Variants in CEP126 observed in about 807,000 individuals in gnomAD.
The protein encoded by CEP126 is centrosomal protein of 126 kDa.
CEP126 carries 74 observed loss-of-function variants against 107.8 expected under a neutral mutation model. The observed-to-expected ratio is 0.69, with a 90% CI of 0.57 to 0.83. CEP126 has a LOEUF of 0.83. CEP126 is among the 40% of genes least tolerant of loss of function. The pLI, the probability that CEP126 is intolerant of heterozygous loss-of-function variation, is 0.00. For synonymous variants in CEP126, 449 were observed against 446.0 expected, an observed-to-expected ratio of 1.01 and a Z score of -0.08; for missense variants, 1,237 against 1,281.9, an observed-to-expected ratio of 0.96 and a Z score of 0.53.
chr11:101,982,091 C>T (rs1941262206), intron 8 of CEP126, 127 bp downstream of exon 8: 1 of 529,348 alleles, frequency 1.9e-6, no homozygotes, highest in South Asian at 3.2e-5. Flanking sequence ...GAACTCTCCT[C>T]ACCCCTGCAC....
intron 9 of CEP126, among the ~76,000 whole-genome samples, chr11:101,992,241 T>A (rs1194354929): frequency 6.6e-6 from 1 of 152,086 alleles, no homozygotes. Flanking sequence ...AATAAAAAAA[T>A]TAAGTCAATA....
At chr11:101,989,899 G>T (rs1209624736) in intron 9 of CEP126, among the ~76,000 whole-genome samples, 1 of 152,082 alleles carries the variant, frequency 6.6e-6, no homozygotes, top group East Asian at 1.9e-4. Context: ...GTCAGAGCTT[G>T]CAGTGAGCCG....
At chr11:101,979,098 C>T (rs1347627594) in intron 7 of CEP126, among the ~76,000 whole-genome samples, 1 of 151,926 alleles carries the variant, frequency 6.6e-6, no homozygotes, top group Non-Finnish European at 1.5e-5. Flanking sequence ...CATCATTGCA[C>T]TCCAGCCTGG....
intron 2 of CEP126, among the ~76,000 whole-genome samples, chr11:101,932,597 GT>G (rs555952105): frequency 1.3e-5 from 2 of 152,192 alleles, no homozygotes; most frequent in African/African-American, 2.4e-5. Flanking sequence ...AACTTGCTAA[GT>G]TTTTTTCCCT....
chr11:101,986,935 A>G lies in CEP126; in HGVS notation c.3138A>G (p.Lys1046=). 1 of 1,613,854 alleles carries G rather than the reference A, an allele frequency of 6.2e-7. No homozygotes were observed. The highest frequency in any genetic ancestry group is 1.1e-5 in the South Asian group (1 of 91,082). The change falls in exon 9 of 11, where the codon AAA becomes AAG. Residue 1046 remains lysine, a synonymous_variant. Transcript: ENST00000263468. ...TCTTGAATAGCAAACAGATACAGAAATCAAATCTACCTTTAAATAAAACTC... is the reference window on the plus strand; with the variant it reads ...TCTTGAATAGCAAACAGATACAGAAGTCAAATCTACCTTTAAATAAAACTC... The part of the protein sequence containing the change: ...LTVLNSKQIQ[K]SNLPLNKTQQ...
At chr11:101,950,384 A>G (rs1323018007) in intron 4 of CEP126, among the ~76,000 whole-genome samples, 1 of 152,240 alleles carries the variant, frequency 6.6e-6, no homozygotes, top group Non-Finnish European at 1.5e-5. Flanking sequence ...TAAAGTGATG[A>G]GCAACAGAAT....
chr11:102,000,663 A>C lies in CEP126; in HGVS notation c.*3020A>C, dbSNP rs1052719724. ...TCAGGAATTGTGCCACTGCACTCCA[A>C]CCTGAGTGACAGAGCAACACTCTGT... is the stretch of plus-strand genomic sequence containing the variant. On this transcript the variant is annotated 3_prime_UTR_variant, in exon 11 of 11. Coordinates refer to ENST00000263468, the MANE Select transcript of CEP126 (RefSeq NM_020802.4). 7 of 152,076 alleles carry C rather than the reference A, an allele frequency of 4.6e-5. No homozygotes were observed. Among genetic ancestry groups the C allele is most frequent in the African/African-American group, 1.4e-4 (6 of 41,422 alleles). The allele number at this position is 152,076 out of a possible 1,614,324, so 9.4% of individuals were successfully genotyped here. A position where few individuals can be genotyped will look rare whatever the true frequency, so the allele number is the denominator to read the frequency against.
chr11:101,929,932 T>C (rs1158273002), intron 2 of CEP126, among the ~76,000 whole-genome samples: 2 of 151,702 alleles, frequency 1.3e-5, no homozygotes, highest in Admixed American at 6.6e-5. Flanking sequence ...AAGCTGATCT[T>C]TTCCTTATCC....
intron 1 of CEP126, among the ~76,000 whole-genome samples, chr11:101,917,489 C>T (rs894338396): frequency 6.6e-6 from 1 of 151,694 alleles, no homozygotes; most frequent in Non-Finnish European, 1.5e-5. Flanking sequence ...AATTTTCTGA[C>T]TCTAAAGGTT....
At chr11:101,930,983 T>G (rs1220434830) in intron 2 of CEP126, among the ~76,000 whole-genome samples, 1 of 152,054 alleles carries the variant, frequency 6.6e-6, no homozygotes. Flanking sequence ...GAAGCAGAAT[T>G]TGTGTCTTTT....
intron 10 of CEP126, among the ~76,000 whole-genome samples, chr11:101,994,479 C>T (rs181150911): frequency 6.6e-6 from 1 of 152,140 alleles, no homozygotes; most frequent in African/African-American, 2.4e-5. Context: ...CTAGGTTATC[C>T]TCCAGGGTTT....
At chr11:101,985,425 G>A (rs1389086279) in intron 8 of CEP126, among the ~76,000 whole-genome samples, 1 of 151,900 alleles carries the variant, frequency 6.6e-6, no homozygotes, top group Admixed American at 6.6e-5. Flanking sequence ...TGGGATGACA[G>A]GCGTATGCCA....
At chr11:101,958,085 C>T in intron 4 of CEP126, 83 bp from the exon 5 acceptor site, 2 of 1,115,344 alleles carry the variant, frequency 1.8e-6, no homozygotes, top group Non-Finnish European at 2.6e-6. Flanking sequence ...ACACGTATTA[C>T]ACCTAATGTG....
At position 102,000,525 on chromosome 11, in the gene CEP126, A is replaced by G. The variant is rs1255969497; in HGVS notation, c.*2882A>G. ...TGGCAAGAGCCCAACTCTACTAAAAATACAAAAAGAAAAGAAAACAGCCAA... is the reference window on the plus strand; with the variant it reads ...TGGCAAGAGCCCAACTCTACTAAAAGTACAAAAAGAAAAGAAAACAGCCAA... On this transcript the variant is annotated 3_prime_UTR_variant, in exon 11 of 11. Transcript: ENST00000263468. 2 of 152,122 alleles carry G rather than the reference A, an allele frequency of 1.3e-5. No individual in the cohort carries two copies. Among genetic ancestry groups the G allele is most frequent in the Non-Finnish European group, 2.9e-5 (2 of 68,028 alleles). The allele number at this position is 152,122 out of a possible 1,614,324, so 9.4% of individuals were successfully genotyped here. A position where few individuals can be genotyped will look rare whatever the true frequency, so the allele number is the denominator to read the frequency against.
At position 101,981,927 on chromosome 11, in the gene CEP126, A is replaced by G; in HGVS notation, c.2997A>G (p.Pro999=). 2 of 1,591,470 alleles carry G rather than the reference A, an allele frequency of 1.3e-6. No homozygotes were observed. The change falls in exon 8 of 11, where the codon CCA becomes CCG. Residue 999 remains proline, a synonymous_variant. Coordinates refer to ENST00000263468, the MANE Select transcript of CEP126 (RefSeq NM_020802.4). ...GTGTCCTGCTAAGTTCAAGTGAGCCAAAACAAACTACAAGGGGTACTTCTT... is the reference window on the plus strand; with the variant it reads ...GTGTCCTGCTAAGTTCAAGTGAGCCGAAACAAACTACAAGGGGTACTTCTT... The part of the protein sequence containing the change: ...GQSVLLSSSE[P]KQTTRGTSYI...
intron 6 of CEP126, among the ~76,000 whole-genome samples, chr11:101,972,791 A>C (rs910655831): frequency 1.3e-5 from 2 of 152,024 alleles, no homozygotes; most frequent in African/African-American, 4.8e-5. Context: ...ACAGAGTGAG[A>C]CTCCATCTAA....
chr11:101,936,570 CAG>C (rs902411645), intron 2 of CEP126, among the ~76,000 whole-genome samples: 9 of 152,068 alleles, frequency 5.9e-5, no homozygotes, highest in African/African-American at 2.2e-4. Flanking sequence ...TTGTTGGCCT[CAG>C]TGAACTTTCT....
At chr11:101,970,241 A>G (rs1941109682) in intron 6 of CEP126, among the ~76,000 whole-genome samples, 1 of 152,238 alleles carries the variant, frequency 6.6e-6, no homozygotes, top group Non-Finnish European at 1.5e-5. Flanking sequence ...GTTGAATTCC[A>G]TTGTTCATTT....
At position 101,978,359 on chromosome 11, in the gene CEP126, T is replaced by A. The variant is rs199774826; in HGVS notation, c.2858T>A (p.Met953Lys). The change falls in exon 7 of 11, where the codon ATG (methionine) becomes AAG (lysine). Residue 953 changes from methionine to lysine, a missense_variant. Around this residue, in one of 3 missense-constraint regions of CEP126, gnomAD observed 1,134 missense variants for 1,150.5 expected, o/e 0.99. Coordinates refer to ENST00000263468, the MANE Select transcript of CEP126 (RefSeq NM_020802.4). ...GCATTTGTTTAAGGGTCTACTGTTA[T>A]GAGAAGAAAACGAATTGCTGAAACT... is the stretch of plus-strand genomic sequence containing the variant. Reference protein sequence around the residue: ...QNKRATGSTVMRRKRIAETKR... With the variant: ...QNKRATGSTVKRRKRIAETKR... 6.2e-7 allele frequency: 1 copy of A among 1,612,060 alleles called. No individual in the cohort carries two copies. Among genetic ancestry groups the A allele is most frequent in the Non-Finnish European group, 8.5e-7 (1 of 1,178,342 alleles).
Sources: allele counts gnomAD v4.1 joint callset (sites outside exome capture counted in the v4.1 genomes callset), GRCh38; gene constraint gnomAD v4.1.1; regional missense constraint gnomAD v4.1.1; transcripts MANE v1.5; gene names NCBI Gene and HGNC (gene_info 2026-07-23, HGNC 2026-07-21).